Variants in SDK2 observed in about 807,000 individuals in gnomAD.
The protein encoded by SDK2 is sidekick cell adhesion molecule 2, also known as protein sidekick-2.
Under a neutral mutation model 253.9 loss-of-function variants are expected in SDK2, and 105 were observed. That is an observed-to-expected ratio of 0.41 (90% confidence interval 0.35 to 0.49). The LOEUF (loss-of-function observed/expected upper bound fraction) is 0.49. SDK2 is among the 20% of genes least tolerant of loss of function. The pLI, the probability that SDK2 is intolerant of heterozygous loss-of-function variation, is 0.06. For synonymous variants in SDK2, 1,249 were observed against 1,234.9 expected (o/e 1.01, Z -0.24); for missense variants, 2,608 against 3,003.0 (o/e 0.87, Z 3.07).
chr17:73,513,381 A>G (rs2063996904), intron 1 of SDK2, among the ~76,000 whole-genome samples: 1 of 152,226 alleles, frequency 6.6e-6, no homozygotes, highest in Non-Finnish European at 1.5e-5. Context: ...GATAAGAAAA[A>G]GGAAAACTAA....
rs1235948227 is a variant in SDK2, at chr17:73,496,112, G to A, written c.224+11326C>T. Reference sequence around the variant, plus strand: ...ACCGTGGCCAGGAAGAATGAGGTGGGAGGAGCCTGCCCTGCTGGGTGGGAG... The same window carrying A: ...ACCGTGGCCAGGAAGAATGAGGTGGAAGGAGCCTGCCCTGCTGGGTGGGAG... On this transcript the variant is annotated intron_variant, in intron 2 of 44. Transcript: ENST00000392650. This position sits in a 1 kb window ranked among gnomAD's most constrained non-coding sequence, Gnocchi z 4.7. Among the ~76,000 whole-genome samples, 1 of 152,172 alleles carries A rather than the reference G, an allele frequency of 6.6e-6. No individual in the cohort carries two copies. Among genetic ancestry groups the A allele is most frequent in the African/African-American group, 2.4e-5 (1 of 41,446 alleles).
chr17:73,631,909 A>G (rs1275321322), intron 1 of SDK2, among the ~76,000 whole-genome samples: 2 of 152,198 alleles, frequency 1.3e-5, no homozygotes, highest in African/African-American at 4.8e-5. Context: ...CTAGTCTCCA[A>G]ATAAGACCCC....
chr17:73,440,732 G>C, intron 6 of SDK2, 80 bp downstream of exon 6: 1 of 1,016,604 alleles, frequency 9.8e-7, no homozygotes, highest in South Asian at 1.4e-5. Context: ...GTGGCTTCTG[G>C]CTGCTCTCCC....
intron 1 of SDK2, among the ~76,000 whole-genome samples, chr17:73,607,462 T>TA (rs1466985749): frequency 6.6e-6 from 1 of 151,980 alleles, no homozygotes; most frequent in South Asian, 2.1e-4. Context: ...GGGGGACCCT[T>TA]AAGACAAAGA....
In SDK2 at chr17:73,338,230, G is replaced by A. The variant is rs112141234; in HGVS notation, c.*357C>T. 11 of 402,790 alleles carry A rather than the reference G, an allele frequency of 2.7e-5. No homozygotes were observed. The highest frequency in any genetic ancestry group is 1.4e-4 in the Admixed American group (4 of 28,822). 25.0% of individuals were successfully genotyped at this position (402,790 alleles called of 1,614,324 possible). A position where few individuals can be genotyped will look rare whatever the true frequency, so the allele number is the denominator to read the frequency against. On this transcript the variant is annotated 3_prime_UTR_variant, in exon 45 of 45. Transcript: ENST00000392650. The surrounding 1 kb of genome is among the most constrained non-coding windows in gnomAD (Gnocchi z 5.0). ...AGAAGCTTTTTCTTCCCTCGGCCAC[G>A]CCTGCCTGGCGGCCTCCAGTCCTTA...
chr17:73,509,968 G>A (rs370198215), intron 1 of SDK2, among the ~76,000 whole-genome samples: 8 of 144,374 alleles, frequency 5.5e-5, no homozygotes, highest in African/African-American at 7.8e-5. Flanking sequence ...CAAACCAACC[G>A]AAGAAGAGGA....
intron 43 of SDK2, 25 bp downstream of exon 43, chr17:73,350,212 C>T: frequency 6.5e-7 from 1 of 1,533,836 alleles, no homozygotes; most frequent in Non-Finnish European, 8.8e-7. Flanking sequence ...GGCCTGGCCC[C>T]CAACCCACGC....
chr17:73,593,776 T>C (rs1373040177), intron 1 of SDK2, among the ~76,000 whole-genome samples: 1 of 152,186 alleles, frequency 6.6e-6, no homozygotes, highest in African/African-American at 2.4e-5. Context: ...CACAGGGGCC[T>C]GGGCGGCAGG....
At chr17:73,385,341 G>A (rs983997722) in intron 32 of SDK2, among the ~76,000 whole-genome samples, 5 of 152,164 alleles carry the variant, frequency 3.3e-5, no homozygotes, top group African/African-American at 1.2e-4. Flanking sequence ...ATCTGGAAGG[G>A]GTATGGACGA....
chr17:73,634,496 G>C (rs2046306787), intron 1 of SDK2, among the ~76,000 whole-genome samples: 1 of 152,218 alleles, frequency 6.6e-6, no homozygotes. Flanking sequence ...ATACATTTGA[G>C]ATTTTATGGC....
At chr17:73,419,725 AAACCC>A (rs1364226595) in intron 15 of SDK2, among the ~76,000 whole-genome samples, 810 of 73,960 alleles carry the variant, frequency 0.011, 25 homozygotes, top group African/African-American at 0.034. Context: ...ACAACAAAAA[AAACCC>A]AAAAAAACTC....
Position 73,361,679 on chromosome 17 carries a change from C to T in SDK2, c.5467+5G>A, listed in dbSNP as rs748556887. 4.3e-6 allele frequency: 7 copies of T among 1,610,820 alleles called. No homozygotes were observed. The highest frequency in any genetic ancestry group is 5.1e-6 in the Non-Finnish European group (6 of 1,177,338). ...GAAGACATGCCTGGTCCGTTGCTCT[C>T]CTACCTTCTCCGGGGCCCGTGGTGA... On this transcript the variant is annotated splice_donor_5th_base_variant and intron_variant, in intron 39 of 44. Transcript: ENST00000392650. This position sits in a 1 kb window ranked among gnomAD's most constrained non-coding sequence, Gnocchi z 4.1.
chr17:73,577,284 T>G (rs2045470429), intron 1 of SDK2, among the ~76,000 whole-genome samples: 1 of 152,196 alleles, frequency 6.6e-6, no homozygotes, highest in South Asian at 2.1e-4. Flanking sequence ...CCAAAAAAAC[T>G]CTTAAGTGGA....
chr17:73,368,723 T>C, intron 36 of SDK2, 130 bp from the exon 37 acceptor site: 1 of 813,742 alleles, frequency 1.2e-6, no homozygotes, highest in Non-Finnish European at 1.8e-6. Context: ...GAGAAGTCTT[T>C]AAGAGGCCGG....
intron 18 of SDK2, among the ~76,000 whole-genome samples, chr17:73,406,838 C>G (rs1022080278): frequency 6.6e-6 from 1 of 152,110 alleles, no homozygotes; most frequent in Non-Finnish European, 1.5e-5. Flanking sequence ...CAATGCAGTG[C>G]GAAGTCCATC....
chr17:73,480,565 T>C (rs577316109), intron 2 of SDK2, among the ~76,000 whole-genome samples: 1 of 152,212 alleles, frequency 6.6e-6, no homozygotes, highest in African/African-American at 2.4e-5. Context: ...CAAGTGGCTG[T>C]AATGTTGAAT....
chr17:73,528,049 C>T (rs372850097), intron 1 of SDK2, among the ~76,000 whole-genome samples: 6 of 151,972 alleles, frequency 3.9e-5, no homozygotes, highest in South Asian at 4.2e-4. Context: ...ATGGAAACAC[C>T]GCAGCTGGTT....
Position 73,433,734 on chromosome 17 carries a change from T to C in SDK2, c.1310A>G (p.Lys437Arg), listed in dbSNP as rs777242180. 4.6e-5 allele frequency: 74 copies of C among 1,597,140 alleles called. No individual in the cohort carries two copies. Among genetic ancestry groups the C allele is most frequent in the Non-Finnish European group, 6.0e-5 (70 of 1,170,838 alleles). Residue 437 changes from lysine (K) to arginine (R), a missense_variant and splice_region_variant, in exon 10 of 45, where the codon AAA (lysine) becomes AGA (arginine). Coordinates refer to ENST00000392650, the MANE Select transcript of SDK2 (RefSeq NM_001144952.2). ...CTCTGAAGGTGTGTTCCATCTACCT[T>C]TCTGCCAAGTGATAGCTGGTCGGGG... ...GAPRPAITWQKGERILASGSV... is the reference protein window; with the variant it reads ...GAPRPAITWQRGERILASGSV...
chr17:73,356,236 C>T (rs1251425251), intron 40 of SDK2, among the ~76,000 whole-genome samples: 1 of 152,196 alleles, frequency 6.6e-6, no homozygotes, highest in Admixed American at 6.5e-5. Context: ...ATCATTGAGG[C>T]CCCTGCTGCT....
Sources: allele counts gnomAD v4.1 joint callset (sites outside exome capture counted in the v4.1 genomes callset), GRCh38; gene constraint gnomAD v4.1.1; non-coding constraint Gnocchi (gnomAD v3.1); transcripts MANE v1.5; gene names NCBI Gene and HGNC (gene_info 2026-07-23, HGNC 2026-07-21).